The following MAGI1 variants were observed in gnomAD, a reference collection of about 807,000 sequenced individuals.
The protein encoded by MAGI1 is membrane associated guanylate kinase, WW and PDZ domain containing 1, also known as membrane-associated guanylate kinase, WW and PDZ domain-containing protein 1.
A neutral mutation model predicts 139.9 loss-of-function variants in MAGI1; 58 were observed. The observed-to-expected ratio is 0.41, with a 90% CI of 0.34 to 0.52. MAGI1 has a LOEUF of 0.52. Among genes scored for constraint, MAGI1 ranks in the 20% least tolerant of loss-of-function variants. The pLI, the probability that MAGI1 is intolerant of heterozygous loss-of-function variation, is 0.12. For missense variants in MAGI1, 1,874 were observed against 1,901.6 expected (o/e 0.99, Z 0.27); for synonymous variants, 812 against 737.9 (o/e 1.10, Z -1.63).
chr3:65,597,724 G>C (rs1233767371), intron 2 of MAGI1: 4 of 456,704 alleles, frequency 8.8e-6, no homozygotes, highest in African/African-American at 8.0e-5. Flanking sequence ...CTGTCCCCAG[G>C]CTTCCTCCGG....
intron 1 of MAGI1, among the ~76,000 whole-genome samples, chr3:65,957,625 G>T (rs1237244373): frequency 6.6e-6 from 1 of 151,386 alleles, no homozygotes; most frequent in African/African-American, 2.4e-5. Flanking sequence ...AGGTATAAAA[G>T]AATCCATACT....
chr3:65,437,105 T>C (rs778284715), intron 10 of MAGI1, 50 bp downstream of exon 10: 4 of 1,320,288 alleles, frequency 3.0e-6, no homozygotes, highest in Non-Finnish European at 4.3e-6. Flanking sequence ...TTAAAAAAAA[T>C]TAGATTTTGA....
chr3:65,502,232 G>C (rs1349456765), intron 2 of MAGI1, among the ~76,000 whole-genome samples: 1 of 152,198 alleles, frequency 6.6e-6, no homozygotes, highest in Non-Finnish European at 1.5e-5. Flanking sequence ...TAAACAGTAA[G>C]TAACTAAAAA....
chr3:65,654,908 T>C (rs1413101624), intron 1 of MAGI1, among the ~76,000 whole-genome samples: 2 of 152,210 alleles, frequency 1.3e-5, no homozygotes, highest in Non-Finnish European at 2.9e-5. Context: ...AATGTAAAAG[T>C]TTAAGCATAG....
In MAGI1 at chr3:65,629,985, A is replaced by C. The variant is rs560792676; in HGVS notation, c.314-7897T>G. 2.3e-3 allele frequency among the ~76,000 whole-genome samples: 355 copies of C among 152,328 alleles called. 4 individuals carry two copies. The highest frequency in any genetic ancestry group is 4.3e-3 in the Non-Finnish European group (292 of 68,028). On this transcript the variant is annotated intron_variant, in intron 1 of 22. Coordinates refer to ENST00000402939, the MANE Select transcript of MAGI1 (RefSeq NM_001033057.2). ...TGAAAAAGCAATATGAATTAATCAC[A>C]AGATTTTAAAAATACACAAACGTAC...
Position 65,633,926 on chromosome 3 carries a change from C to A in MAGI1, c.314-11838G>T, listed in dbSNP as rs1313373211. Among the ~76,000 whole-genome samples, 5 of 152,234 alleles carry A rather than the reference C, an allele frequency of 3.3e-5. No individual in the cohort carries two copies. The East Asian group carries it at 9.7e-4, about 29-fold the overall frequency. Reference sequence around the variant, plus strand: ...GAATCTAAAGATACGGGTGTCTGTGCCCTTTGAGAATATTCTAAATTCTTG... The same window carrying A: ...GAATCTAAAGATACGGGTGTCTGTGACCTTTGAGAATATTCTAAATTCTTG... On this transcript the variant is annotated intron_variant, in intron 1 of 22. Coordinates refer to ENST00000402939, the MANE Select transcript of MAGI1 (RefSeq NM_001033057.2).
intron 12 of MAGI1, among the ~76,000 whole-genome samples, chr3:65,415,099 T>A (rs1946108028): frequency 6.6e-6 from 1 of 151,786 alleles, no homozygotes; most frequent in Admixed American, 6.6e-5. Context: ...CTTCACTTCA[T>A]GAAAAACCTA....
intron 2 of MAGI1, among the ~76,000 whole-genome samples, chr3:65,614,347 G>C (rs960003722): frequency 2.0e-5 from 3 of 152,270 alleles, no homozygotes; most frequent in Middle Eastern, 3.4e-3. Flanking sequence ...AGTGGTTTAA[G>C]ATAATAACTT....
intron 3 of MAGI1, among the ~76,000 whole-genome samples, chr3:65,488,696 G>A (rs1454078941): frequency 6.6e-6 from 1 of 151,720 alleles, no homozygotes; most frequent in Non-Finnish European, 1.5e-5. Flanking sequence ...ATTACACAGA[G>A]TCTTGCTCCT....
chr3:66,035,480 A>G lies in MAGI1; in HGVS notation c.313+2516T>C, dbSNP rs567312225. ...GCAATTCTGTCATACAATCTAAATCATATTCTCAACATGGAAGAGGGAGCA... is the reference window on the plus strand; with the variant it reads ...GCAATTCTGTCATACAATCTAAATCGTATTCTCAACATGGAAGAGGGAGCA... On this transcript the variant is annotated intron_variant, in intron 1 of 22. Coordinates refer to ENST00000402939, the MANE Select transcript of MAGI1 (RefSeq NM_001033057.2). Among the ~76,000 whole-genome samples the G allele has an allele frequency of 2.3e-4, 35 of 152,340 alleles. No individual in the cohort carries two copies. The South Asian group carries it at 5.4e-3, about 23-fold the overall frequency.
intron 3 of MAGI1, among the ~76,000 whole-genome samples, chr3:65,479,120 T>C (rs9812806): frequency 0.41 from 61,822 of 151,970 alleles, 13,217 homozygotes; most frequent in African/African-American, 0.51. Flanking sequence ...TTTACATATA[T>C]GCACCAGCAT....
At chr3:65,999,812 G>A (rs562720733) in intron 1 of MAGI1, among the ~76,000 whole-genome samples, 2 of 151,588 alleles carry the variant, frequency 1.3e-5, no homozygotes, top group East Asian at 1.9e-4. Context: ...TTGTGCTTTC[G>A]AACTAATAAG....
intron 1 of MAGI1, among the ~76,000 whole-genome samples, chr3:65,762,796 T>C (rs557950185): frequency 2.6e-5 from 4 of 152,234 alleles, no homozygotes; most frequent in South Asian, 2.1e-4. Flanking sequence ...TCCTCAGAAA[T>C]TGAGTATCTC....
At chr3:65,614,066 C>T (rs2083251568) in intron 2 of MAGI1, among the ~76,000 whole-genome samples, 1 of 152,144 alleles carries the variant, frequency 6.6e-6, no homozygotes, top group Admixed American at 6.6e-5. Context: ...GCATGAGTAA[C>T]CTGCCCAAGC....
intron 12 of MAGI1, among the ~76,000 whole-genome samples, chr3:65,402,754 G>A (rs1945013507): frequency 1.3e-5 from 2 of 152,156 alleles, no homozygotes; most frequent in South Asian, 2.1e-4. Flanking sequence ...AAGCAGCCCA[G>A]ATGAGCCGGC....
chr3:65,578,716 T>C (rs911429402), intron 2 of MAGI1, among the ~76,000 whole-genome samples: 2 of 151,994 alleles, frequency 1.3e-5, no homozygotes, highest in African/African-American at 4.8e-5. Context: ...GGTCAGGAGT[T>C]CAAGACCAGC....
At chr3:65,722,696 A>G (rs2033175652) in intron 1 of MAGI1, among the ~76,000 whole-genome samples, 1 of 152,236 alleles carries the variant, frequency 6.6e-6, no homozygotes, top group Non-Finnish European at 1.5e-5. Flanking sequence ...CTGTGATAAC[A>G]AAGACTAAAT....
chr3:65,673,464 T>C (rs561250370), intron 1 of MAGI1, among the ~76,000 whole-genome samples: 1 of 152,364 alleles, frequency 6.6e-6, no homozygotes, highest in South Asian at 2.1e-4. Flanking sequence ...AATAGATAAT[T>C]TGTTGAGGTG....
chr3:65,547,700 G>A (rs1372680512), intron 2 of MAGI1, among the ~76,000 whole-genome samples: 2 of 152,092 alleles, frequency 1.3e-5, no homozygotes, highest in Admixed American at 1.3e-4. Context: ...CTGTTTAGTG[G>A]GAATGATATT....
Sources: allele counts gnomAD v4.1 joint callset (sites outside exome capture counted in the v4.1 genomes callset), GRCh38; gene constraint gnomAD v4.1.1; transcripts MANE v1.5; gene names NCBI Gene and HGNC (gene_info 2026-07-23, HGNC 2026-07-21).